GALNTL6: variants seen among roughly 807,000 people sequenced by gnomAD.
GALNTL6 encodes the protein polypeptide N-acetylgalactosaminyltransferase-like 6.
A neutral mutation model predicts 73.7 loss-of-function variants in GALNTL6; 46 were observed. The observed-to-expected ratio is 0.62, with a 90% CI of 0.49 to 0.80. The LOEUF is 0.80. Ranked by LOEUF, GALNTL6 falls within the 30% of genes least tolerant of loss-of-function variation. The pLI, the probability that GALNTL6 is intolerant of heterozygous loss-of-function variation, is 0.00. For synonymous variants in GALNTL6, 259 were observed against 263.7 expected (o/e 0.98, Z 0.17); for missense variants, 604 against 755.0 (o/e 0.80, Z 2.34).
chr4:172,887,705 A>G (rs771187065), intron 8 of GALNTL6, among the ~76,000 whole-genome samples: 1 of 152,074 alleles, frequency 6.6e-6, no homozygotes, highest in Non-Finnish European at 1.5e-5. Flanking sequence ...CTGGGACTAC[A>G]GGCACCTGCC....
intron 5 of GALNTL6, among the ~76,000 whole-genome samples, chr4:172,628,436 C>T (rs1393432958): frequency 2.0e-5 from 3 of 151,840 alleles, no homozygotes; most frequent in East Asian, 1.9e-4. Flanking sequence ...AGTATTTAAA[C>T]TCTGCTGCAG....
rs1031572341 is a variant in GALNTL6, at chr4:172,004,661, A to G, written c.138+189943A>G. Among the ~76,000 whole-genome samples the G allele has an allele frequency of 2.6e-5, 4 of 152,144 alleles. No individual in the cohort carries two copies. The South Asian group carries it at 8.3e-4, about 32-fold the overall frequency. The stretch of plus-strand genomic sequence containing the variant: ...ATTAATTTATAAAATATGCTCTAAT[A>G]TATGTCTTAATGATATATTAGAGTG... On this transcript the variant is annotated intron_variant, in intron 2 of 12. Coordinates refer to ENST00000506823, the MANE Select transcript of GALNTL6 (RefSeq NM_001034845.3).
intron 10 of GALNTL6, among the ~76,000 whole-genome samples, chr4:173,000,281 C>T (rs1303672189): frequency 6.6e-6 from 1 of 152,166 alleles, no homozygotes; most frequent in Admixed American, 6.5e-5. Flanking sequence ...GGCAGTCTAA[C>T]TTCAGAATAT....
chr4:172,788,544 C>T (rs1325119770), intron 5 of GALNTL6, among the ~76,000 whole-genome samples: 1 of 151,528 alleles, frequency 6.6e-6, no homozygotes, highest in East Asian at 1.9e-4. Context: ...TGTTGGCGGG[C>T]GCCTGTAGTC....
At chr4:172,448,925 C>T (rs546803038) in intron 5 of GALNTL6, among the ~76,000 whole-genome samples, 1 of 152,238 alleles carries the variant, frequency 6.6e-6, no homozygotes, top group South Asian at 2.1e-4. Flanking sequence ...TAAGTATATT[C>T]ACTTTCCCTT....
At chr4:172,478,324 A>C (rs892472639) in intron 5 of GALNTL6, among the ~76,000 whole-genome samples, 1 of 152,238 alleles carries the variant, frequency 6.6e-6, no homozygotes, top group Non-Finnish European at 1.5e-5. Context: ...CACTTAGACC[A>C]GTGGAACAGA....
intron 2 of GALNTL6, among the ~76,000 whole-genome samples, chr4:172,119,017 T>C (rs1207201221): frequency 2.0e-5 from 3 of 152,016 alleles, no homozygotes; most frequent in Non-Finnish European, 2.9e-5. Context: ...CACAATAAAG[T>C]TATTTCCATG....
At chr4:172,832,936 T>TAG (rs1742716102) in intron 7 of GALNTL6, among the ~76,000 whole-genome samples, 1 of 152,140 alleles carries the variant, frequency 6.6e-6, no homozygotes, top group Non-Finnish European at 1.5e-5. Context: ...CAGCTCCAGC[T>TAG]AGAAAAACGT....
At chr4:172,796,941 G>T (rs1740304385) in intron 5 of GALNTL6, among the ~76,000 whole-genome samples, 1 of 152,072 alleles carries the variant, frequency 6.6e-6, no homozygotes, top group Non-Finnish European at 1.5e-5. Context: ...ATGAAGTCAG[G>T]CCAAACCACA....
At chr4:172,994,106 T>A (rs1419116086) in intron 10 of GALNTL6, among the ~76,000 whole-genome samples, 1 of 152,178 alleles carries the variant, frequency 6.6e-6, no homozygotes, top group African/African-American at 2.4e-5. Flanking sequence ...GAAGCACGTA[T>A]GAGATTTTTC....
intron 5 of GALNTL6, among the ~76,000 whole-genome samples, chr4:172,593,268 A>G (rs1737723630): frequency 6.6e-6 from 1 of 152,112 alleles, no homozygotes; most frequent in Non-Finnish European, 1.5e-5. Flanking sequence ...GTTACCTTGT[A>G]TTATTTTCCA....
intron 2 of GALNTL6, among the ~76,000 whole-genome samples, chr4:172,043,737 T>C (rs1742149035): frequency 6.6e-6 from 1 of 152,096 alleles, no homozygotes; most frequent in Non-Finnish European, 1.5e-5. Flanking sequence ...CTCTACCTAC[T>C]CTTTGTTGAA....
chr4:171,903,526 C>T (rs1290580663), intron 2 of GALNTL6, among the ~76,000 whole-genome samples: 3 of 151,270 alleles, frequency 2.0e-5, no homozygotes, highest in Non-Finnish European at 4.4e-5. Flanking sequence ...GCTAGCACAG[C>T]AGTCTGAGAT....
chr4:172,929,358 C>T (rs1579667553), intron 8 of GALNTL6, among the ~76,000 whole-genome samples: 5 of 152,264 alleles, frequency 3.3e-5, no homozygotes, highest in Admixed American at 3.3e-4. Flanking sequence ...AAAACATAAG[C>T]ATTTCTCTTT....
At chr4:171,867,956 G>T in intron 2 of GALNTL6, among the ~76,000 whole-genome samples, 1 of 148,482 alleles carries the variant, frequency 6.7e-6, no homozygotes, top group African/African-American at 2.5e-5. Flanking sequence ...TTAACCTTTG[G>T]GTTTAAATCT....
At chr4:172,368,285 G>A (rs995423186) in intron 5 of GALNTL6, among the ~76,000 whole-genome samples, 5 of 152,118 alleles carry the variant, frequency 3.3e-5, no homozygotes, top group Non-Finnish European at 7.3e-5. Flanking sequence ...GGAGGCTGAG[G>A]CAAGAAAATT....
intron 2 of GALNTL6, among the ~76,000 whole-genome samples, chr4:172,132,472 T>G (rs1299034882): frequency 1.3e-5 from 2 of 150,176 alleles, no homozygotes; most frequent in Admixed American, 1.3e-4. Context: ...ATTTTGGCTC[T>G]TTGTCATTTT....
At chr4:173,000,741 G>A (rs994279544) in intron 10 of GALNTL6, among the ~76,000 whole-genome samples, 6 of 152,156 alleles carry the variant, frequency 3.9e-5, no homozygotes, top group African/African-American at 1.4e-4. Flanking sequence ...AGATTGCCAA[G>A]AAATAAGCCC....
At position 172,710,561 on chromosome 4, in the gene GALNTL6, G is replaced by T. The variant is rs541997645; in HGVS notation, c.554-98800G>T. Among the ~76,000 whole-genome samples, 8 of 151,944 alleles carry T rather than the reference G, an allele frequency of 5.3e-5. 1 individual carries two copies. The South Asian group carries it at 1.7e-3, about 32-fold the overall frequency. On this transcript the variant is annotated intron_variant, in intron 5 of 12. Coordinates refer to ENST00000506823, the MANE Select transcript of GALNTL6 (RefSeq NM_001034845.3). ...TGGAAACCTCAAGCTATTTTAACTC[G>T]ATCAGTTAAAATTATCCAACTATGT...
Sources: gnomAD v4.1 joint callset for allele counts (sites outside exome capture counted in the v4.1 genomes callset) on GRCh38, gnomAD v4.1.1 for gene constraint, MANE v1.5 for transcripts, NCBI Gene and HGNC (gene_info 2026-07-23, HGNC 2026-07-21) for gene names.